FYB2: variants seen among roughly 807,000 people sequenced by gnomAD.
FYB2 encodes FYN-binding protein 2.
A neutral mutation model predicts 94.1 loss-of-function variants in FYB2; 103 were observed. The ratio of observed to expected loss-of-function variants is 1.09; its 90% confidence interval spans 0.93 to 1.29. The LOEUF (loss-of-function observed/expected upper bound fraction) is 1.29, where lower values mean the gene tolerates loss of function less well. Among genes scored for constraint, FYB2 ranks in the 50% most tolerant of loss-of-function variants. FYB2 has a pLI of 0.00. For missense variants in FYB2, 896 were observed against 841.5 expected, an observed-to-expected ratio of 1.06 and a Z score of -0.80; for synonymous variants, 293 against 287.9, an observed-to-expected ratio of 1.02 and a Z score of -0.18.
intron 9 of FYB2, among the ~76,000 whole-genome samples, chr1:56,746,151 C>T (rs1312946148): frequency 6.6e-6 from 1 of 151,794 alleles, no homozygotes. Flanking sequence ...TCCTCTGATC[C>T]GAAAGTAACC....
intron 1 of FYB2, 70 bp downstream of exon 1, chr1:56,819,212 C>A: frequency 6.2e-7 from 1 of 1,609,954 alleles, no homozygotes; most frequent in East Asian, 2.2e-5. Flanking sequence ...CCAGGGCTCT[C>A]AAGTGGGAGG....
chr1:56,766,562 T>C (rs1408445367), intron 5 of FYB2, among the ~76,000 whole-genome samples: 2 of 151,914 alleles, frequency 1.3e-5, no homozygotes, highest in Non-Finnish European at 2.9e-5. Flanking sequence ...GCCTCCCGAG[T>C]AGCTGGGACC....
chr1:56,788,747 A>G, intron 3 of FYB2: 1 of 569,072 alleles, frequency 1.8e-6, no homozygotes, highest in East Asian at 3.1e-5. Flanking sequence ...CCAGTGATCA[A>G]ATGCAGTGCT....
chr1:56,794,885 CTT>C lies in FYB2; in HGVS notation c.10-2084_10-2083del, dbSNP rs1362008641. 1.2e-4 allele frequency among the ~76,000 whole-genome samples: 18 copies of C among 152,168 alleles called. No individual in the cohort carries two copies. The East Asian group carries it at 2.3e-3, about 20-fold the overall frequency. On this transcript the variant is annotated intron_variant, in intron 1 of 19. Transcript: ENST00000343433. ...TTATTTTCCTCACTATGAAATGAAA[CTT>C]ATATTTCTGACAGCAGTTCAGGGTT... is the stretch of plus-strand genomic sequence containing the variant.
intron 1 of FYB2, among the ~76,000 whole-genome samples, chr1:56,804,149 G>A (rs182649921): frequency 3.7e-4 from 56 of 152,272 alleles, no homozygotes; most frequent in Middle Eastern, 3.4e-3. Context: ...TATGCCCTTT[G>A]CCACTTTCCA....
rs763575793 is a variant in FYB2 at position 56,744,082 on chromosome 1, A to G, written c.1503-16T>C. 2 of 1,612,560 alleles carry G rather than the reference A, an allele frequency of 1.2e-6. No individual in the cohort carries two copies. Among genetic ancestry groups the G allele is most frequent in the African/African-American group, 2.7e-5 (2 of 74,828 alleles). On this transcript the variant is annotated splice_polypyrimidine_tract_variant and intron_variant, in intron 10 of 19. Transcript: ENST00000343433. ...CAGCTTCGGTCTATGGGAGAAAATA[A>G]CAAAGACCATTATTGTACCTTTAAA...
At chr1:56,757,687 C>CTTCCTTCTTTTTTCTTTCT (rs1293394860) in intron 6 of FYB2, among the ~76,000 whole-genome samples, 2 of 71,940 alleles carry the variant, frequency 2.8e-5, no homozygotes, top group Non-Finnish European at 5.1e-5. Context: ...TCCTTCCTTC[C>CTTCCTTCTTTTTTCTTTCT]TTCTTTCTTT....
At chr1:56,724,910 C>T (rs1275636846) in intron 16 of FYB2, among the ~76,000 whole-genome samples, 4 of 151,986 alleles carry the variant, frequency 2.6e-5, no homozygotes, top group African/African-American at 9.7e-5. Context: ...GGGTTGTCTC[C>T]CTCATGAATG....
At chr1:56,766,854 G>T (rs1054257136) in intron 5 of FYB2, among the ~76,000 whole-genome samples, 1 of 152,158 alleles carries the variant, frequency 6.6e-6, no homozygotes, top group Non-Finnish European at 1.5e-5. Flanking sequence ...GAACCTTGAG[G>T]TTCTTGTCTA....
chr1:56,752,751 G>T (rs1311870699), intron 8 of FYB2, among the ~76,000 whole-genome samples: 9 of 152,142 alleles, frequency 5.9e-5, no homozygotes, highest in Admixed American at 3.3e-4. Flanking sequence ...ATAAAAGAAG[G>T]AAGTGACTCT....
At chr1:56,823,785 G>A (rs1045164580), upstream of FYB2, 3 of 152,174 alleles carry the variant, frequency 2.0e-5, no homozygotes, top group African/African-American at 7.2e-5. Context: ...TAAAGAAATG[G>A]TCTTCCCCCA....
intron 1 of FYB2, among the ~76,000 whole-genome samples, chr1:56,812,011 G>A (rs997240044): frequency 6.6e-6 from 1 of 152,086 alleles, no homozygotes; most frequent in African/African-American, 2.4e-5. Context: ...CAAAAGTGGA[G>A]GGTAGAGGGC....
chr1:56,761,176 A>G (rs1240573053), intron 5 of FYB2, among the ~76,000 whole-genome samples: 2 of 152,158 alleles, frequency 1.3e-5, no homozygotes, highest in Non-Finnish European at 2.9e-5. Context: ...AAGTCCCATT[A>G]CCTCTTTTAC....
chr1:56,752,360 T>C (rs1645219613), intron 8 of FYB2, among the ~76,000 whole-genome samples: 1 of 151,950 alleles, frequency 6.6e-6, no homozygotes, highest in Non-Finnish European at 1.5e-5. Context: ...TCTAACTGTT[T>C]TATAATTGTC....
intron 5 of FYB2, among the ~76,000 whole-genome samples, chr1:56,764,121 T>A (rs1379270594): frequency 6.6e-5 from 10 of 152,036 alleles, no homozygotes. Flanking sequence ...CAGCTAATTT[T>A]TTTTGTATTT....
At chr1:56,783,795 A>C (rs1305727293) in intron 4 of FYB2, among the ~76,000 whole-genome samples, 2 of 152,182 alleles carry the variant, frequency 1.3e-5, no homozygotes, top group African/African-American at 4.8e-5. Flanking sequence ...CAATAAATAC[A>C]TGTTGAATGA....
chr1:56,778,751 T>C (rs1024906659), intron 4 of FYB2, among the ~76,000 whole-genome samples: 1 of 152,182 alleles, frequency 6.6e-6, no homozygotes, highest in African/African-American at 2.4e-5. Flanking sequence ...ACACGTGCTA[T>C]AGCCAGGAAA....
chr1:56,732,453 C>T (rs1365208942), intron 15 of FYB2, among the ~76,000 whole-genome samples: 1 of 152,128 alleles, frequency 6.6e-6, no homozygotes, highest in Non-Finnish European at 1.5e-5. Context: ...ATACCAATGC[C>T]TTTCTTCACA....
chr1:56,754,871 T>C (rs1354049398), intron 7 of FYB2, among the ~76,000 whole-genome samples: 1 of 152,078 alleles, frequency 6.6e-6, no homozygotes, highest in East Asian at 1.9e-4. Flanking sequence ...ATTTGACCTG[T>C]GCCTTACCAT....
Sources: gnomAD v4.1 joint callset for allele counts (sites outside exome capture counted in the v4.1 genomes callset) on GRCh38, gnomAD v4.1.1 for gene constraint, MANE v1.5 for transcripts, NCBI Gene and HGNC (gene_info 2026-07-23, HGNC 2026-07-21) for gene names.